Variants in WTAP observed in about 807,000 individuals in gnomAD.
WTAP encodes WT1 associated protein.
WTAP carries 8 observed loss-of-function variants against 50.0 expected under a neutral mutation model. That is an observed-to-expected ratio of 0.16 (90% CI 0.09 to 0.29). The LOEUF (loss-of-function observed/expected upper bound fraction) is 0.29, where lower values mean the gene tolerates loss of function less well. Ranked by LOEUF, WTAP falls within the 10% of genes least tolerant of loss-of-function variation. The probability of loss-of-function intolerance (pLI) is 1.00; values close to 1 mark genes in which losing one functional copy is unlikely to be tolerated. For missense variants in WTAP, 295 were observed against 470.7 expected (o/e 0.63, Z 3.45); for synonymous variants, 194 against 169.0 (o/e 1.15, Z -1.15).
chr6:159,748,520 G>A lies in WTAP; in HGVS notation c.452+151G>A. The A allele has an allele frequency of 7.0e-7, 1 of 1,422,294 alleles. No homozygotes were observed. Among genetic ancestry groups the A allele is most frequent in the Non-Finnish European group, 9.2e-7 (1 of 1,083,976 alleles). 88.1% of individuals were successfully genotyped at this position (1,422,294 alleles called of 1,614,324 possible). A position where few individuals can be genotyped will look rare whatever the true frequency, so the allele number is the denominator to read the frequency against. ...ATTCTTACACTGTCCAGCTTGTAAT[G>A]GTTAATGTAAAACTTACCAGATGAA... On this transcript the variant is annotated intron_variant, in intron 6 of 7. Transcript: ENST00000621533. The surrounding 1 kb of genome is among the most constrained non-coding windows in gnomAD (Gnocchi z 5.6).
At chr6:159,733,404 C>T (rs543443611) in intron 1 of WTAP, among the ~76,000 whole-genome samples, 1 of 152,012 alleles carries the variant, frequency 6.6e-6, no homozygotes, top group Admixed American at 6.5e-5. Context: ...ATTGCTTGCG[C>T]CCAGGAGTTC....
chr6:159,739,739 AAC>A (rs1437887624), intron 3 of WTAP, among the ~76,000 whole-genome samples: 5 of 151,918 alleles, frequency 3.3e-5, no homozygotes, highest in South Asian at 2.1e-4. Context: ...GAGATAGGCT[AAC>A]ACAGATTTTG....
In WTAP at chr6:159,748,136, T is replaced by C; in HGVS notation, c.274-55T>C. ...GTGAATGGAGGGAGTTTTCCCCACC[T>C]TCTTATGTATGTTTCCTTTGATTTG... On this transcript the variant is annotated intron_variant, in intron 5 of 7. Coordinates refer to ENST00000621533, the MANE Select transcript of WTAP (RefSeq NM_001270531.2). The surrounding 1 kb of genome is among the most constrained non-coding windows in gnomAD (Gnocchi z 5.6). The C allele has an allele frequency of 6.5e-7, 1 of 1,543,790 alleles. No individual in the cohort carries two copies. Among genetic ancestry groups the C allele is most frequent in the African/African-American group, 1.4e-5 (1 of 72,932 alleles).
intron 6 of WTAP, chr6:159,749,276 T>A (rs373306588): frequency 1.0e-6 from 1 of 985,860 alleles, no homozygotes; most frequent in Non-Finnish European, 1.2e-6. Flanking sequence ...TTTTTTTTAG[T>A]GAATTTTATG....
At chr6:159,732,699 C>T (rs1289275580) in intron 1 of WTAP, among the ~76,000 whole-genome samples, 8 of 152,072 alleles carry the variant, frequency 5.3e-5, no homozygotes. Flanking sequence ...TGGCAGGCAC[C>T]TGTAATCTCA....
rs1422191832 is a variant in WTAP, at chr6:159,755,652, G to C, written c.*41G>C. 2 of 1,521,700 alleles carry C rather than the reference G, an allele frequency of 1.3e-6. No homozygotes were observed. Among genetic ancestry groups the C allele is most frequent in the Non-Finnish European group, 1.8e-6 (2 of 1,137,662 alleles). 94.3% of individuals were successfully genotyped at this position (1,521,700 alleles called of 1,614,324 possible). A position where few individuals can be genotyped will look rare whatever the true frequency, so the allele number is the denominator to read the frequency against. ...TTTTTATACAGTGTCATTTAATTTGGGAGAGGATACTGTCCAGAAAATTAA... is the reference window on the plus strand; with the variant it reads ...TTTTTATACAGTGTCATTTAATTTGCGAGAGGATACTGTCCAGAAAATTAA... On this transcript the variant is annotated 3_prime_UTR_variant, in exon 8 of 8. Transcript: ENST00000621533.
At chr6:159,731,332 G>A (rs1438967783) in intron 1 of WTAP, among the ~76,000 whole-genome samples, 2 of 151,918 alleles carry the variant, frequency 1.3e-5, no homozygotes, top group Non-Finnish European at 2.9e-5. Context: ...GCTGGGCGTG[G>A]TGGTTCATGC....
At chr6:159,727,830 C>T in intron 1 of WTAP, 127 bp downstream of exon 1, 1 of 672,164 alleles carries the variant, frequency 1.5e-6, no homozygotes, top group Non-Finnish European at 1.8e-6. Flanking sequence ...TGGTGCGGCA[C>T]CGGTCTCTCG....
chr6:159,741,941 G>A, intron 3 of WTAP, 147 bp from the exon 4 acceptor site: 2 of 613,674 alleles, frequency 3.3e-6, no homozygotes, highest in Admixed American at 6.5e-5. Context: ...GACAGAGCGA[G>A]ACTCTGTCTA....
At chr6:159,751,148 T>A (rs539413417) in intron 6 of WTAP, among the ~76,000 whole-genome samples, 7 of 152,368 alleles carry the variant, frequency 4.6e-5, no homozygotes, top group Admixed American at 4.6e-4. Context: ...CTACTTGTAA[T>A]TAAATTATTT....
At chr6:159,729,593 A>G (rs949186438) in intron 1 of WTAP, among the ~76,000 whole-genome samples, 2 of 152,186 alleles carry the variant, frequency 1.3e-5, no homozygotes, top group South Asian at 2.1e-4. Flanking sequence ...TAGCATTTTT[A>G]TTGTGCTGAA....
At chr6:159,739,071 A>G in intron 3 of WTAP, 26 bp downstream of exon 3, 1 of 1,574,300 alleles carries the variant, frequency 6.4e-7, no homozygotes, top group South Asian at 1.1e-5. Context: ...TTCAAAAACA[A>G]AGTCTTTCTA....
rs1205317005 is a variant in WTAP at position 159,748,375 on chromosome 6, C to T, written c.452+6C>T. The T allele has an allele frequency of 6.2e-7, 1 of 1,613,392 alleles. No individual in the cohort carries two copies. The highest frequency in any genetic ancestry group is 8.5e-7 in the Non-Finnish European group (1 of 1,179,432). On this transcript the variant is annotated splice_donor_region_variant and intron_variant, in intron 6 of 7. Transcript: ENST00000621533. The surrounding 1 kb of genome is among the most constrained non-coding windows in gnomAD (Gnocchi z 5.6). ...TGGAAGTTTACGCCTGATAGGTAAACAAATCATACTCCCCAGTCAAGACTT... is the reference window on the plus strand; with the variant it reads ...TGGAAGTTTACGCCTGATAGGTAAATAAATCATACTCCCCAGTCAAGACTT...
chr6:159,753,602 A>G lies in WTAP; in HGVS notation c.595A>G (p.Ser199Gly). 3 of 1,611,588 alleles carry G rather than the reference A, an allele frequency of 1.9e-6. No homozygotes were observed. The South Asian group carries it at 3.3e-5, about 18-fold the overall frequency. ...LQKKYSEELK[S>G]SQDELNDFII... Reference sequence around the variant, plus strand: ...GAAGAAATACAGTGAGGAGCTTAAAAGCAGTCAGGATGGTAAGGGGTTTGT... The same window carrying G: ...GAAGAAATACAGTGAGGAGCTTAAAGGCAGTCAGGATGGTAAGGGGTTTGT... Residue 199 changes from serine (S) to glycine (G), a missense_variant, in exon 7 of 8, where the codon AGC becomes GGC. Transcript: ENST00000621533.
intron 1 of WTAP, among the ~76,000 whole-genome samples, chr6:159,731,657 G>T (rs1477546765): frequency 6.6e-6 from 1 of 152,160 alleles, no homozygotes; most frequent in Non-Finnish European, 1.5e-5. Flanking sequence ...ATGGGGAGAA[G>T]AAACTATTAA....
At chr6:159,743,862 A>T in intron 5 of WTAP, 70 bp downstream of exon 5, 1 of 1,432,186 alleles carries the variant, frequency 7.0e-7, no homozygotes, top group East Asian at 2.5e-5. Flanking sequence ...ATTACATGTT[A>T]ATTTTAAACA....
At chr6:159,727,437 G>A (rs1562447060), upstream of WTAP, 22 of 1,164,872 alleles carry the variant, frequency 1.9e-5, no homozygotes, top group Non-Finnish European at 2.4e-5. Context: ...GTTCGGACCG[G>A]CTGTGGGGCG....
chr6:159,727,875 T>G (rs1778303157), intron 1 of WTAP, among the ~76,000 whole-genome samples, 172 bp downstream of exon 1: 1 of 152,214 alleles, frequency 6.6e-6, no homozygotes. Context: ...CGGGGAACAC[T>G]TCCGCCGCTT....
At chr6:159,739,241 A>AT (rs1779098938) in intron 3 of WTAP, among the ~76,000 whole-genome samples, 196 bp downstream of exon 3, 1 of 152,230 alleles carries the variant, frequency 6.6e-6, no homozygotes, top group Non-Finnish European at 1.5e-5. Context: ...AAGAACTACT[A>AT]GGAAGCTATA....
Sources: allele counts gnomAD v4.1 joint callset (sites outside exome capture counted in the v4.1 genomes callset), GRCh38; gene constraint gnomAD v4.1.1; non-coding constraint Gnocchi (gnomAD v3.1); transcripts MANE v1.5; gene names NCBI Gene and HGNC (gene_info 2026-07-23, HGNC 2026-07-21).